Variants in RGPD3 observed in about 807,000 individuals in gnomAD.
RGPD3 encodes ranBP2-like and GRIP domain-containing protein 3.
RGPD3 carries 62 observed loss-of-function variants against 154.5 expected under a neutral mutation model. The ratio of observed to expected loss-of-function variants is 0.40; its 90% CI spans 0.33 to 0.50. The LOEUF (loss-of-function observed/expected upper bound fraction) is 0.50, where lower values mean the gene tolerates loss of function less well. Ranked by LOEUF, RGPD3 falls within the 20% of genes least tolerant of loss-of-function variation. RGPD3 has a pLI of 0.59. For missense variants in RGPD3, 919 were observed against 1,716.8 expected (o/e 0.54, Z 8.21); for synonymous variants, 308 against 607.0 (o/e 0.51, Z 7.24).
chr2:106,410,187 T>C (rs1676628706), intron 22 of RGPD3, among the ~76,000 whole-genome samples: 1 of 152,104 alleles, frequency 6.6e-6, no homozygotes, highest in Admixed American at 6.5e-5. Flanking sequence ...ACATTCTCTC[T>C]CTTAAAGAGA....
chr2:106,403,570 C>G lies in RGPD3; in HGVS notation c.*1649G>C, dbSNP rs1676423583. On this transcript the variant is annotated 3_prime_UTR_variant, in exon 23 of 23. Coordinates refer to ENST00000409886, the MANE Select transcript of RGPD3 (RefSeq NM_001144013.2). ...GACTATATTTCAAAACAAGTTTATA[C>G]AGACTTCAAAAGGTCTCAAGTCAAA... Among the ~76,000 whole-genome samples the G allele has an allele frequency of 2.0e-5, 3 of 152,344 alleles. No homozygotes were observed. The highest frequency in any genetic ancestry group is 2.0e-4 in the Admixed American group (3 of 15,300).
chr2:106,449,391 G>T (rs1332023242), intron 6 of RGPD3, among the ~76,000 whole-genome samples: 67 of 143,964 alleles, frequency 4.7e-4, no homozygotes, highest in African/African-American at 1.6e-3. Flanking sequence ...GCTTGAACCT[G>T]GGAAGCAGAG....
upstream of RGPD3, among the ~76,000 whole-genome samples, chr2:106,468,592 G>C (rs1573313313): frequency 6.6e-6 from 1 of 152,200 alleles, no homozygotes; most frequent in East Asian, 1.9e-4. Flanking sequence ...GATCACTTGA[G>C]GTCAAGAGTT....
intron 22 of RGPD3, among the ~76,000 whole-genome samples, chr2:106,409,869 T>A (rs1036408604): frequency 6.0e-5 from 8 of 133,826 alleles, no homozygotes; most frequent in African/African-American, 2.3e-4. Context: ...TCTTGTAGTT[T>A]ACTTTTTTTT....
rs767704789 is a variant in RGPD3, at chr2:106,425,107, C to A, written c.2860G>T (p.Gly954Cys). 3 of 1,611,846 alleles carry A rather than the reference C, an allele frequency of 1.9e-6. No homozygotes were observed. In the African/African-American group the frequency reaches 4.0e-5, roughly 22 times the overall value. Residue 954 changes from glycine to cysteine, a missense_variant, in exon 20 of 23, where the codon GGC becomes TGC. Transcript: ENST00000409886. Reference protein sequence around the residue: ...DTGLQAQDISGRKKGRGVIFG... With the variant: ...DTGLQAQDISCRKKGRGVIFG... ...ATCACACCACGGCCCTTCTTCCGGC[C>A]ACTAATATCCTGAGCCTGTAAGCCA...
At chr2:106,451,046 G>A (rs1177532105) in intron 6 of RGPD3, among the ~76,000 whole-genome samples, 4 of 143,276 alleles carry the variant, frequency 2.8e-5, no homozygotes, top group African/African-American at 1.0e-4. Context: ...TCAAGGTCGT[G>A]CCACTGCACT....
At chr2:106,442,406 T>C (rs552708096) in intron 7 of RGPD3, among the ~76,000 whole-genome samples, 4 of 103,278 alleles carry the variant, frequency 3.9e-5, no homozygotes, top group African/African-American at 1.2e-4. Flanking sequence ...ACATTGTAGA[T>C]AACACATTTT....
rs1278588687 is a variant in RGPD3, at chr2:106,424,120, A to G, written c.3847T>C (p.Phe1283Leu). The G allele has an allele frequency of 8.3e-6, 13 of 1,575,178 alleles. No homozygotes were observed. The African/African-American group carries it at 1.2e-4, about 15-fold the overall frequency. ...CCTGTTGTTGACTCATCAAAGTGGA[A>G]AAGATTTTTTCTCACAGGGCTACTT... ...LASSPVRKNL[F>L]HFDESTTGSN... Residue 1283 changes from phenylalanine (F) to leucine (L), a missense_variant, in exon 20 of 23, where the codon TTC becomes CTC. Physicochemically the swap from Phe to Leu is conservative, Grantham distance 22 (BLOSUM62 0). Coordinates refer to ENST00000409886, the MANE Select transcript of RGPD3 (RefSeq NM_001144013.2).
chr2:106,412,698 C>A, intron 22 of RGPD3: 1 of 462,628 alleles, frequency 2.2e-6, no homozygotes. Flanking sequence ...TTGTCTTAAG[C>A]TATTTGGGGT....
intron 1 of RGPD3, among the ~76,000 whole-genome samples, chr2:106,463,657 C>T (rs1438897930): frequency 6.6e-6 from 1 of 151,236 alleles, no homozygotes; most frequent in Admixed American, 6.6e-5. Flanking sequence ...AAGAGCACAG[C>T]TGTGTAGCAA....
At chr2:106,412,490 A>T (rs1028711603) in intron 22 of RGPD3, among the ~76,000 whole-genome samples, 32 of 150,996 alleles carry the variant, frequency 2.1e-4, no homozygotes, top group Admixed American at 1.3e-3. Flanking sequence ...TTGTATTTTT[A>T]GTAGAGACGA....
intron 9 of RGPD3, among the ~76,000 whole-genome samples, chr2:106,437,580 T>C (rs1024198345): frequency 1.3e-5 from 2 of 152,250 alleles, no homozygotes; most frequent in African/African-American, 4.8e-5. Flanking sequence ...ATAATCTTTC[T>C]GTCATTTTGG....
Position 106,413,292 on chromosome 2 carries a change from T to A in RGPD3, c.5065-7A>T. Reference sequence around the variant, plus strand: ...TTATTTCACTTTTGAGAAGCTGGTGTTAGAGAAATGAGTTAAAAATGGGCT... The same window carrying A: ...TTATTTCACTTTTGAGAAGCTGGTGATAGAGAAATGAGTTAAAAATGGGCT... On this transcript the variant is annotated splice_region_variant and splice_polypyrimidine_tract_variant and intron_variant, in intron 21 of 22. Coordinates refer to ENST00000409886, the MANE Select transcript of RGPD3 (RefSeq NM_001144013.2). 1 of 1,611,738 alleles carries A rather than the reference T, an allele frequency of 6.2e-7. No homozygotes were observed. The highest frequency in any genetic ancestry group is 1.1e-5 in the South Asian group (1 of 90,956).
At chr2:106,450,104 G>T (rs1277868192) in intron 6 of RGPD3, among the ~76,000 whole-genome samples, 4 of 143,806 alleles carry the variant, frequency 2.8e-5, no homozygotes, top group Non-Finnish European at 6.0e-5. Context: ...TGTGGGCTGG[G>T]CGCGGTGGCT....
rs1415393646 is a variant in RGPD3 at position 106,432,136 on chromosome 2, G to A, written c.2469+799C>T. On this transcript the variant is annotated intron_variant, in intron 17 of 22. Transcript: ENST00000409886. The stretch of plus-strand genomic sequence containing the variant: ...TCAAATTTTGTGAAAGATGAGGAGA[G>A]AGACACATAAAGTACTTTCAAAAAT... 5.4e-5 allele frequency among the ~76,000 whole-genome samples: 8 copies of A among 148,904 alleles called. 1 individual carries two copies. Among genetic ancestry groups the A allele is most frequent in the Non-Finnish European group, 8.9e-5 (6 of 67,138 alleles).
chr2:106,449,905 T>C (rs1483413621), intron 6 of RGPD3, among the ~76,000 whole-genome samples: 1 of 151,766 alleles, frequency 6.6e-6, no homozygotes, highest in Admixed American at 6.6e-5. Context: ...TAGGCCCAGC[T>C]ACTCGGGAGG....
At chr2:106,443,685 CTTTTTTT>C (rs560481936) in intron 7 of RGPD3, among the ~76,000 whole-genome samples, 3 of 83,384 alleles carry the variant, frequency 3.6e-5, no homozygotes, top group African/African-American at 1.4e-4. Flanking sequence ...TCACTATTTC[CTTTTTTT>C]TTTTTTTTTT....
intron 7 of RGPD3, among the ~76,000 whole-genome samples, chr2:106,441,702 A>G (rs916754171): frequency 6.6e-6 from 1 of 150,700 alleles, no homozygotes; most frequent in Non-Finnish European, 1.5e-5. Context: ...TAAAAATAAA[A>G]AAAAAAAACA....
In RGPD3 at chr2:106,424,726, C is replaced by T. The variant is rs770129756; in HGVS notation, c.3241G>A (p.Gly1081Ser). 2.5e-6 allele frequency: 4 copies of T among 1,611,794 alleles called. No individual in the cohort carries two copies. The South Asian group carries it at 3.3e-5, about 13-fold the overall frequency. ...TTGAGAATTTTTAAGTTCCCCAAGC[C>T]CCTTTCTTTCCACTGACTTACCTCA... ...DAEVSQWKER[G>S]LGNLKILKNE... Residue 1081 changes from glycine (G) to serine (S), a missense_variant, in exon 20 of 23, where the codon GGC becomes AGC. Transcript: ENST00000409886.
Sources: allele counts gnomAD v4.1 joint callset (sites outside exome capture counted in the v4.1 genomes callset), GRCh38; gene constraint gnomAD v4.1.1; transcripts MANE v1.5; gene names NCBI Gene and HGNC (gene_info 2026-07-23, HGNC 2026-07-21).